Variants in ADGRB3 observed in about 807,000 individuals in gnomAD.
ADGRB3 encodes brain-specific angiogenesis inhibitor 3.
A neutral mutation model predicts 193.4 loss-of-function variants in ADGRB3; 37 were observed. The ratio of observed to expected loss-of-function variants is 0.19; its 90% CI spans 0.15 to 0.25. ADGRB3 has a LOEUF of 0.25. ADGRB3 is among the 10% of genes least tolerant of loss of function. ADGRB3 has a pLI of 1.00. For synonymous variants in ADGRB3, 690 were observed against 644.2 expected, an observed-to-expected ratio of 1.07 and a Z score of -1.08; for missense variants, 1,637 against 1,852.9, an observed-to-expected ratio of 0.88 and a Z score of 2.14.
chr6:69,048,208 G>A lies in ADGRB3; in HGVS notation c.2131G>A (p.Ala711Thr). 1 of 1,612,280 alleles carries A rather than the reference G, an allele frequency of 6.2e-7. No homozygotes were observed. The highest frequency in any genetic ancestry group is 1.1e-5 in the South Asian group (1 of 90,634). Residue 711 changes from alanine to threonine, a missense_variant, in exon 14 of 32, where the codon GCA (alanine) becomes ACA (threonine). Around this residue, in one of 7 missense-constraint regions of ADGRB3, gnomAD observed 641 missense variants for 673.9 expected, o/e 0.95. Coordinates refer to ENST00000370598, the MANE Select transcript of ADGRB3 (RefSeq NM_001704.3). Reference sequence around the variant, plus strand: ...AGTGGCTAGTATTCAGAAGCTTCCTGCAGCCTCTGTTCTAACAGACATCAA... The same window carrying A: ...AGTGGCTAGTATTCAGAAGCTTCCTACAGCCTCTGTTCTAACAGACATCAA... ...NVVASIQKLP[A>T]ASVLTDINFP...
At chr6:68,831,610 A>G (rs1767958678) in intron 3 of ADGRB3, among the ~76,000 whole-genome samples, 1 of 152,132 alleles carries the variant, frequency 6.6e-6, no homozygotes, top group Non-Finnish European at 1.5e-5. Flanking sequence ...AAGATGATCG[A>G]GTGTGGAACC....
chr6:68,751,734 T>C (rs973851715), intron 3 of ADGRB3, among the ~76,000 whole-genome samples: 19 of 152,168 alleles, frequency 1.2e-4, no homozygotes, highest in African/African-American at 4.6e-4. Context: ...ATTGTCAAAA[T>C]TGGAATCCAT....
chr6:69,208,313 C>T (rs997049713), intron 17 of ADGRB3, among the ~76,000 whole-genome samples: 3 of 152,298 alleles, frequency 2.0e-5, no homozygotes, highest in Admixed American at 1.3e-4. Flanking sequence ...AGTTTTTGAC[C>T]ACTCAGGGAA....
intron 24 of ADGRB3, 101 bp from the exon 25 acceptor site, chr6:69,338,815 T>C (rs968261695): frequency 8.7e-6 from 8 of 922,782 alleles, no homozygotes; most frequent in Non-Finnish European, 1.2e-5. Flanking sequence ...AATATACTTT[T>C]CTGCATGAAA....
intron 27 of ADGRB3, among the ~76,000 whole-genome samples, chr6:69,355,232 T>G (rs1185490887): frequency 6.6e-6 from 1 of 152,176 alleles, no homozygotes; most frequent in East Asian, 1.9e-4. Flanking sequence ...TAGGAAAATA[T>G]GAGGTCACAA....
intron 3 of ADGRB3, among the ~76,000 whole-genome samples, chr6:68,879,917 T>G (rs1477767421): frequency 6.6e-6 from 1 of 152,128 alleles, no homozygotes. Flanking sequence ...TCAAAGCAGA[T>G]ATGAGGCTTT....
chr6:69,081,016 T>A (rs2150314360), intron 17 of ADGRB3, among the ~76,000 whole-genome samples: 1 of 152,130 alleles, frequency 6.6e-6, no homozygotes, highest in East Asian at 1.9e-4. Flanking sequence ...TAGTTGTTCT[T>A]TTCTGTAGTT....
chr6:68,929,067 C>T (rs1341220247), intron 3 of ADGRB3, among the ~76,000 whole-genome samples: 1 of 152,020 alleles, frequency 6.6e-6, no homozygotes, highest in Admixed American at 6.6e-5. Flanking sequence ...ACATACAGCA[C>T]ACATAACTGA....
chr6:69,234,949 A>T, intron 18 of ADGRB3, 83 bp from the exon 19 acceptor site: 1 of 1,059,140 alleles, frequency 9.4e-7, no homozygotes, highest in Non-Finnish European at 1.4e-6. Context: ...TTTTTGAGTG[A>T]TAGGTTAGCT....
chr6:68,788,756 T>C (rs1451357268), intron 3 of ADGRB3, among the ~76,000 whole-genome samples: 1 of 152,222 alleles, frequency 6.6e-6, no homozygotes, highest in African/African-American at 2.4e-5. Context: ...CAATGGGGTG[T>C]TAAAGTCTCC....
chr6:69,196,494 C>T (rs1187943247), intron 17 of ADGRB3, among the ~76,000 whole-genome samples: 1 of 152,086 alleles, frequency 6.6e-6, no homozygotes, highest in African/African-American at 2.4e-5. Flanking sequence ...AGATGGCTGC[C>T]TTCTTACTTT....
chr6:69,116,525 A>T (rs1336382639), intron 17 of ADGRB3, among the ~76,000 whole-genome samples: 1 of 152,180 alleles, frequency 6.6e-6, no homozygotes, highest in Non-Finnish European at 1.5e-5. Flanking sequence ...GTGAAATAAA[A>T]TTTTCTTTGA....
chr6:69,126,740 A>G (rs1008733877), intron 17 of ADGRB3, among the ~76,000 whole-genome samples: 1 of 152,124 alleles, frequency 6.6e-6, no homozygotes, highest in Non-Finnish European at 1.5e-5. Context: ...CTATCTGAGT[A>G]TCCCTTAATC....
chr6:68,978,172 T>A (rs866669802), intron 10 of ADGRB3, among the ~76,000 whole-genome samples: 2 of 151,688 alleles, frequency 1.3e-5, no homozygotes, highest in Non-Finnish European at 1.5e-5. Flanking sequence ...TTAATATTTC[T>A]GGGTTCAGAA....
intron 3 of ADGRB3, among the ~76,000 whole-genome samples, chr6:68,653,927 C>G (rs1768432284): frequency 6.6e-6 from 1 of 151,568 alleles, no homozygotes; most frequent in Admixed American, 6.6e-5. Context: ...TCTCTTCCTC[C>G]TTTGTTATTT....
chr6:68,777,114 T>G (rs946766760), intron 3 of ADGRB3, among the ~76,000 whole-genome samples: 1 of 152,128 alleles, frequency 6.6e-6, no homozygotes, highest in African/African-American at 2.4e-5. Flanking sequence ...TTTCATAATT[T>G]GAAGTTTGAT....
chr6:68,724,176 C>T (rs1765633172), intron 3 of ADGRB3, among the ~76,000 whole-genome samples: 1 of 151,210 alleles, frequency 6.6e-6, no homozygotes, highest in Non-Finnish European at 1.5e-5. Flanking sequence ...TTGTTATGTA[C>T]TGGTCCAGAA....
chr6:68,957,004 T>C (rs1768095461), intron 8 of ADGRB3, among the ~76,000 whole-genome samples, 195 bp downstream of exon 8: 2 of 152,180 alleles, frequency 1.3e-5, no homozygotes, highest in Non-Finnish European at 2.9e-5. Flanking sequence ...ATGTGAAATA[T>C]TTGTTTGTGG....
chr6:69,376,835 CT>C (rs887612387), intron 30 of ADGRB3, among the ~76,000 whole-genome samples: 1 of 151,932 alleles, frequency 6.6e-6, no homozygotes, highest in Non-Finnish European at 1.5e-5. Flanking sequence ...CAATAGCCAT[CT>C]TTTTTTATAT....
Sources: allele counts gnomAD v4.1 joint callset (sites outside exome capture counted in the v4.1 genomes callset), GRCh38; gene constraint gnomAD v4.1.1; regional missense constraint gnomAD v4.1.1; transcripts MANE v1.5; gene names NCBI Gene and HGNC (gene_info 2026-07-23, HGNC 2026-07-21).